The following RXRA variants were observed in gnomAD, a reference collection of about 807,000 sequenced individuals.
The protein encoded by RXRA is retinoic acid receptor RXR-alpha.
A neutral mutation model predicts 44.5 loss-of-function variants in RXRA; 5 were observed. That is an observed-to-expected ratio of 0.11 (90% confidence interval 0.06 to 0.24). The LOEUF (loss-of-function observed/expected upper bound fraction) is 0.24. RXRA is among the 10% of genes least tolerant of loss of function. The probability of loss-of-function intolerance (pLI) is 1.00; values close to 1 mark genes in which losing one functional copy is unlikely to be tolerated. For missense variants in RXRA, 412 were observed against 646.5 expected, an observed-to-expected ratio of 0.64 and a Z score of 3.93; for synonymous variants, 291 against 271.4, an observed-to-expected ratio of 1.07 and a Z score of -0.71.
chr9:134,387,549 G>A (rs1365558212), intron 1 of RXRA, among the ~76,000 whole-genome samples: 2 of 152,256 alleles, frequency 1.3e-5, no homozygotes, highest in East Asian at 1.9e-4. Context: ...ATTGATGGAT[G>A]CCAGGCGAGG....
At chr9:134,421,541 G>C in intron 5 of RXRA, 135 bp from the exon 6 acceptor site, 1 of 1,014,486 alleles carries the variant, frequency 9.9e-7, no homozygotes, top group Non-Finnish European at 1.4e-6. Flanking sequence ...CTGGGGATTG[G>C]GGCCTGGGCA....
chr9:134,427,035 C>T, intron 6 of RXRA: 1 of 982,332 alleles, frequency 1.0e-6, no homozygotes, highest in Non-Finnish European at 1.2e-6. Flanking sequence ...GGGCTCCTGT[C>T]CAAGTCTCTG....
chr9:134,346,197 T>G (rs1830149216), intron 1 of RXRA, among the ~76,000 whole-genome samples: 1 of 152,154 alleles, frequency 6.6e-6, no homozygotes, highest in African/African-American at 2.4e-5. Context: ...TTCCTCCTGT[T>G]CCGCTGTGGT....
chr9:134,425,647 C>T (rs1831421794), intron 6 of RXRA: 1 of 984,826 alleles, frequency 1.0e-6, no homozygotes, highest in Non-Finnish European at 1.2e-6. Context: ...GTAGCAGGCC[C>T]AAGGTCCCCC....
chr9:134,355,985 G>C (rs1420381849), intron 1 of RXRA, among the ~76,000 whole-genome samples: 1 of 152,096 alleles, frequency 6.6e-6, no homozygotes, highest in Non-Finnish European at 1.5e-5. Flanking sequence ...CTGCCCTCGG[G>C]ATGGCCGCTG....
chr9:134,430,453 A>G (rs1325063818), intron 7 of RXRA, among the ~76,000 whole-genome samples: 1 of 152,222 alleles, frequency 6.6e-6, no homozygotes, highest in African/African-American at 2.4e-5. Flanking sequence ...CCCAGCAGCA[A>G]TGCCCCAGGG....
chr9:134,432,020 T>C (rs764112119), intron 8 of RXRA, 24 bp downstream of exon 8: 1 of 1,593,550 alleles, frequency 6.3e-7, no homozygotes, highest in Admixed American at 1.7e-5. Context: ...GCCTTGAGGC[T>C]TCTGGCCCCG....
At chr9:134,406,988 A>C (rs1055195918) in intron 2 of RXRA, among the ~76,000 whole-genome samples, 1 of 152,064 alleles carries the variant, frequency 6.6e-6, no homozygotes, top group Non-Finnish European at 1.5e-5. Flanking sequence ...TGGGAGCTTC[A>C]TGGCACCCCC....
chr9:134,371,878 G>T (rs558486629), intron 1 of RXRA: 1 of 152,458 alleles, frequency 6.6e-6, no homozygotes, highest in Admixed American at 6.5e-5. Context: ...CTTCCTGGGC[G>T]CTGCTGCGTG....
At chr9:134,435,975 C>G (rs868662239) in intron 9 of RXRA, among the ~76,000 whole-genome samples, 1 of 152,230 alleles carries the variant, frequency 6.6e-6, no homozygotes, top group Non-Finnish European at 1.5e-5. Context: ...AAGCGGTCCT[C>G]CCTGCAGGCA....
chr9:134,383,511 G>A (rs542420230), intron 1 of RXRA, among the ~76,000 whole-genome samples: 99 of 152,142 alleles, frequency 6.5e-4, no homozygotes, highest in Non-Finnish European at 1.2e-3. Flanking sequence ...TCATGAGACC[G>A]CACCACTTAG....
chr9:134,425,890 C>A, intron 6 of RXRA: 1 of 985,296 alleles, frequency 1.0e-6, no homozygotes, highest in Non-Finnish European at 1.2e-6. Context: ...TTATTACTGT[C>A]CCTTGTGCTG....
intron 1 of RXRA, among the ~76,000 whole-genome samples, chr9:134,378,828 C>T (rs1025814967): frequency 1.8e-4 from 27 of 152,200 alleles, no homozygotes; most frequent in African/African-American, 5.8e-4. Context: ...GCAGGAGTCC[C>T]GGCAGCTTCA....
intron 1 of RXRA, among the ~76,000 whole-genome samples, chr9:134,357,646 A>C (rs1830298992): frequency 6.6e-6 from 1 of 152,144 alleles, no homozygotes; most frequent in South Asian, 2.1e-4. Flanking sequence ...AGTCCCAAGC[A>C]GAAAGGCGAG....
intron 1 of RXRA, among the ~76,000 whole-genome samples, chr9:134,389,031 C>T (rs1352233287): frequency 6.6e-6 from 1 of 152,056 alleles, no homozygotes; most frequent in Non-Finnish European, 1.5e-5. Flanking sequence ...GGCCTGTGTC[C>T]ACTCACCTCC....
intron 1 of RXRA, chr9:134,401,341 C>A (rs980368414): frequency 2.2e-5 from 10 of 460,454 alleles, no homozygotes; most frequent in African/African-American, 1.8e-4. Context: ...TTGGAGCGAC[C>A]CAGGCGGGCA....
intron 6 of RXRA, among the ~76,000 whole-genome samples, chr9:134,427,330 A>G (rs948033033): frequency 6.6e-6 from 1 of 151,380 alleles, no homozygotes; most frequent in African/African-American, 2.4e-5. Flanking sequence ...CACTCTTCTT[A>G]CTCCCCATCG....
intron 1 of RXRA, among the ~76,000 whole-genome samples, chr9:134,380,792 G>T (rs761116569): frequency 7.9e-5 from 12 of 152,132 alleles, no homozygotes; most frequent in Non-Finnish European, 1.5e-4. Context: ...GAGGCCAGAG[G>T]AAAGGCCTCC....
At chr9:134,367,724 C>G (rs1830432073) in intron 1 of RXRA, among the ~76,000 whole-genome samples, 2 of 152,324 alleles carry the variant, frequency 1.3e-5, no homozygotes, top group South Asian at 2.1e-4. Context: ...CACAGAGCCT[C>G]CTTAGCACCT....
Sources: gnomAD v4.1 joint callset for allele counts (sites outside exome capture counted in the v4.1 genomes callset) on GRCh38, gnomAD v4.1.1 for gene constraint, MANE v1.5 for transcripts, NCBI Gene and HGNC (gene_info 2026-07-23, HGNC 2026-07-21) for gene names.